CNTNAP5: variants seen among roughly 807,000 people sequenced by gnomAD.
CNTNAP5 encodes contactin-associated protein-like 5.
In CNTNAP5, 72 loss-of-function variants were observed where a neutral mutation model predicts 150.2. The observed-to-expected ratio is 0.48, with a 90% CI of 0.40 to 0.58. The LOEUF is 0.58. Ranked by LOEUF, CNTNAP5 falls within the 20% of genes least tolerant of loss-of-function variation. The pLI, the probability that CNTNAP5 is intolerant of heterozygous loss-of-function variation, is 0.00. For missense variants in CNTNAP5, 1,636 were observed against 1,626.2 expected (o/e 1.01, Z -0.10); for synonymous variants, 672 against 619.8 (o/e 1.08, Z -1.25).
chr2:124,579,591 T>A (rs1204613510), intron 11 of CNTNAP5, among the ~76,000 whole-genome samples: 1 of 152,246 alleles, frequency 6.6e-6, no homozygotes. Flanking sequence ...TATCCCCCGA[T>A]AGTCATAATA....
chr2:124,220,494 C>T (rs186772670), intron 1 of CNTNAP5, among the ~76,000 whole-genome samples: 2 of 152,124 alleles, frequency 1.3e-5, no homozygotes, highest in African/African-American at 4.8e-5. Context: ...ATGTGTGTCA[C>T]CCAATGGAAA....
chr2:124,811,460 T>C (rs762567972), intron 19 of CNTNAP5, among the ~76,000 whole-genome samples: 6 of 152,170 alleles, frequency 3.9e-5, no homozygotes, highest in Admixed American at 1.3e-4. Context: ...GTTTACAGTT[T>C]TGTTAAAAGA....
chr2:124,345,412 A>G (rs1689713922), intron 3 of CNTNAP5, among the ~76,000 whole-genome samples: 1 of 152,178 alleles, frequency 6.6e-6, no homozygotes, highest in African/African-American at 2.4e-5. Context: ...CAAATCCAAC[A>G]TCACAGCAAG....
intron 13 of CNTNAP5, among the ~76,000 whole-genome samples, chr2:124,655,885 G>A (rs1278698348): frequency 2.7e-5 from 4 of 149,050 alleles, no homozygotes; most frequent in African/African-American, 5.0e-5. Context: ...TCAACAACAC[G>A]TGAGACCTCA....
intron 1 of CNTNAP5, among the ~76,000 whole-genome samples, chr2:124,093,376 A>C (rs1379256235): frequency 6.6e-6 from 1 of 152,224 alleles, no homozygotes; most frequent in Non-Finnish European, 1.5e-5. Flanking sequence ...GATCAATTCA[A>C]TGAGCAGTTA....
intron 7 of CNTNAP5, among the ~76,000 whole-genome samples, chr2:124,487,113 C>G (rs1693902521): frequency 6.6e-6 from 1 of 152,242 alleles, no homozygotes; most frequent in African/African-American, 2.4e-5. Context: ...CCAGTATCCC[C>G]CATGGTGGCT....
intron 3 of CNTNAP5, among the ~76,000 whole-genome samples, chr2:124,337,372 G>C (rs1049200364): frequency 3.3e-5 from 5 of 152,122 alleles, no homozygotes; most frequent in Non-Finnish European, 7.3e-5. Flanking sequence ...AAGCTCTTTA[G>C]TTTAATTAGA....
At chr2:124,287,384 C>A (rs1025262965) in intron 3 of CNTNAP5, among the ~76,000 whole-genome samples, 1 of 152,092 alleles carries the variant, frequency 6.6e-6, no homozygotes, top group Admixed American at 6.5e-5. Context: ...AGCTCTTTGG[C>A]GTTGGAAACT....
intron 17 of CNTNAP5, 95 bp from the exon 18 acceptor site, chr2:124,789,807 G>T: frequency 8.8e-7 from 1 of 1,133,820 alleles, no homozygotes; most frequent in Non-Finnish European, 1.2e-6. Flanking sequence ...CATGACAACA[G>T]AGAACTACTT....
chr2:124,711,871 G>A (rs1679815411), intron 13 of CNTNAP5, among the ~76,000 whole-genome samples: 1 of 152,024 alleles, frequency 6.6e-6, no homozygotes, highest in Non-Finnish European at 1.5e-5. Context: ...TTTATATTTG[G>A]ACAGTTCTAG....
At chr2:124,781,052 T>C (rs747112034) in intron 17 of CNTNAP5, among the ~76,000 whole-genome samples, 5 of 152,096 alleles carry the variant, frequency 3.3e-5, no homozygotes, top group Non-Finnish European at 5.9e-5. Context: ...GGATGGGGAG[T>C]GAGGGACAGT....
intron 2 of CNTNAP5, among the ~76,000 whole-genome samples, chr2:124,241,481 A>G (rs997439261): frequency 3.9e-5 from 6 of 152,004 alleles, no homozygotes; most frequent in African/African-American, 4.8e-5. Flanking sequence ...TACTATTGCT[A>G]TCTCTAGAAG....
In CNTNAP5 at chr2:124,509,293, T is replaced by C. The variant is rs545879972; in HGVS notation, c.1327+4737T>C. On this transcript the variant is annotated intron_variant, in intron 8 of 23. Transcript: ENST00000682447. ...AGAAGGCATCTGAATTTAGTTATTC[T>C]AGGGATGAAGTTTCAGGAAGATGAA... Among the ~76,000 whole-genome samples the C allele has an allele frequency of 3.1e-4, 47 of 152,358 alleles. 2 individuals carry two copies. Among genetic ancestry groups the C allele is most frequent in the African/African-American group, 1.1e-3 (47 of 41,592 alleles).
At chr2:124,581,226 C>A (rs1225903580) in intron 11 of CNTNAP5, among the ~76,000 whole-genome samples, 2 of 152,178 alleles carry the variant, frequency 1.3e-5, no homozygotes, top group East Asian at 3.8e-4. Flanking sequence ...CTTCTCCGAA[C>A]ATGAGTCTTT....
At chr2:124,196,227 A>G (rs181986437) in intron 1 of CNTNAP5, among the ~76,000 whole-genome samples, 1 of 152,270 alleles carries the variant, frequency 6.6e-6, no homozygotes, top group East Asian at 1.9e-4. Flanking sequence ...TCCCTAGGTG[A>G]GAAGGGCTAA....
At chr2:124,760,816 T>C (rs1357147503) in intron 14 of CNTNAP5, among the ~76,000 whole-genome samples, 3 of 152,170 alleles carry the variant, frequency 2.0e-5, no homozygotes, top group Admixed American at 6.6e-5. Flanking sequence ...GTTTCTACTA[T>C]GTACAAGTTG....
chr2:124,883,864 G>T (rs542197445), intron 21 of CNTNAP5, among the ~76,000 whole-genome samples: 2 of 152,044 alleles, frequency 1.3e-5, no homozygotes, highest in Non-Finnish European at 2.9e-5. Context: ...ATGTTTCTGC[G>T]TAGTTGTGTA....
intron 1 of CNTNAP5, among the ~76,000 whole-genome samples, chr2:124,125,714 T>C (rs1042646072): frequency 6.6e-6 from 1 of 152,124 alleles, no homozygotes; most frequent in Non-Finnish European, 1.5e-5. Flanking sequence ...ACAAACTGTC[T>C]CTCAGATCAC....
intron 19 of CNTNAP5, among the ~76,000 whole-genome samples, chr2:124,861,595 A>C (rs1016648714): frequency 1.3e-5 from 2 of 151,874 alleles, no homozygotes; most frequent in African/African-American, 2.4e-5. Context: ...CTCAAAAACA[A>C]ATAAATAAAT....
Sources: allele counts gnomAD v4.1 joint callset (sites outside exome capture counted in the v4.1 genomes callset), GRCh38; gene constraint gnomAD v4.1.1; transcripts MANE v1.5; gene names NCBI Gene and HGNC (gene_info 2026-07-23, HGNC 2026-07-21).